The following TMEM117 variants were observed in gnomAD, a reference collection of about 807,000 sequenced individuals.
The protein encoded by TMEM117 is transmembrane protein 117.
Under a neutral mutation model 52.4 loss-of-function variants are expected in TMEM117, and 27 were observed. That is an observed-to-expected ratio of 0.51 (90% confidence interval 0.38 to 0.71). The LOEUF (loss-of-function observed/expected upper bound fraction) is 0.71. Ranked by LOEUF, TMEM117 falls within the 30% of genes least tolerant of loss-of-function variation. The probability of loss-of-function intolerance (pLI) is 0.00; values close to 1 mark genes in which losing one functional copy is unlikely to be tolerated. For missense variants in TMEM117, 556 were observed against 630.5 expected, an observed-to-expected ratio of 0.88 and a Z score of 1.26; for synonymous variants, 215 against 206.3, an observed-to-expected ratio of 1.04 and a Z score of -0.36.
At position 44,299,357 on chromosome 12, in the gene TMEM117, T is replaced by A. The variant is rs1592676006; in HGVS notation, c.609-223T>A. ...CGTGTTGGACAGGCTTGTCTCGAAC[T>A]CCTGACCTCAGGTGATCCACCTGCC... On this transcript the variant is annotated intron_variant, in intron 5 of 7. Coordinates refer to ENST00000266534, the MANE Select transcript of TMEM117 (RefSeq NM_032256.3). Among the ~76,000 whole-genome samples the A allele has an allele frequency of 2.0e-5, 3 of 152,274 alleles. No homozygotes were observed. The East Asian group carries it at 5.8e-4, about 29-fold the overall frequency.
intron 2 of TMEM117, among the ~76,000 whole-genome samples, chr12:43,940,181 CT>C (rs1945021011): frequency 6.6e-6 from 1 of 152,158 alleles, no homozygotes; most frequent in Non-Finnish European, 1.5e-5. Context: ...GACCTAAATG[CT>C]TGTATTCTTT....
At chr12:44,363,585 C>A (rs1356183901) in intron 6 of TMEM117, among the ~76,000 whole-genome samples, 1 of 152,024 alleles carries the variant, frequency 6.6e-6, no homozygotes, top group African/African-American at 2.4e-5. Flanking sequence ...GATAATTATT[C>A]TTTCTCATTG....
intron 6 of TMEM117, among the ~76,000 whole-genome samples, chr12:44,373,372 A>G (rs561776755): frequency 2.6e-5 from 4 of 152,366 alleles, no homozygotes; most frequent in African/African-American, 9.6e-5. Flanking sequence ...AGTCCTGGGC[A>G]AAGGCCCCAG....
chr12:43,910,504 G>A (rs1419942612), intron 2 of TMEM117, among the ~76,000 whole-genome samples: 1 of 144,338 alleles, frequency 6.9e-6, no homozygotes, highest in African/African-American at 2.6e-5. Context: ...GGGCAATTAG[G>A]CAGGAGAAGG....
At chr12:44,222,581 A>G (rs999269178) in intron 5 of TMEM117, among the ~76,000 whole-genome samples, 1 of 152,128 alleles carries the variant, frequency 6.6e-6, no homozygotes, top group Non-Finnish European at 1.5e-5. Context: ...GGTATAGGGG[A>G]ATAAGATCCT....
intron 4 of TMEM117, among the ~76,000 whole-genome samples, chr12:44,210,176 T>A (rs1179093121): frequency 6.6e-6 from 1 of 152,140 alleles, no homozygotes; most frequent in Non-Finnish European, 1.5e-5. Flanking sequence ...GATTTGAACA[T>A]TATTAATTAA....
the TMEM117 span, among the ~76,000 whole-genome samples, chr12:43,807,778 C>G: frequency 1.3e-5 from 2 of 152,134 alleles, no homozygotes; most frequent in East Asian, 3.9e-4. Context: ...TTATTTACTG[C>G]CAGTACAATA....
At position 44,084,363 on chromosome 12, in the gene TMEM117, T is replaced by A. The variant is rs147410376; in HGVS notation, c.411-59162T>A. Among the ~76,000 whole-genome samples, 184 of 152,290 alleles carry A rather than the reference T, an allele frequency of 1.2e-3. 1 individual carries two copies. The highest frequency in any genetic ancestry group is 4.0e-3 in the African/African-American group (165 of 41,568). On this transcript the variant is annotated intron_variant, in intron 3 of 7. Transcript: ENST00000266534. ...AGCCATTACTACCATATCTGTAGAT[T>A]TTTTTAAGCCTTTGTCAGTAGTCTA...
the TMEM117 span, among the ~76,000 whole-genome samples, chr12:43,803,568 A>C: frequency 6.6e-6 from 1 of 152,112 alleles, no homozygotes; most frequent in African/African-American, 2.4e-5. Flanking sequence ...AAGTAGTGCC[A>C]TTTTCCTTCC....
At chr12:43,850,167 A>G (rs564469279) in intron 2 of TMEM117, among the ~76,000 whole-genome samples, 3 of 152,252 alleles carry the variant, frequency 2.0e-5, no homozygotes, top group African/African-American at 7.2e-5. Flanking sequence ...CTGTGAGATG[A>G]TGGATCCTTG....
At chr12:44,060,757 G>A (rs892625181) in intron 3 of TMEM117, among the ~76,000 whole-genome samples, 1 of 152,138 alleles carries the variant, frequency 6.6e-6, no homozygotes, top group African/African-American at 2.4e-5. Context: ...CCACAAAATT[G>A]GTGAGTTTTC....
the TMEM117 span, among the ~76,000 whole-genome samples, chr12:43,811,701 T>C: frequency 1.3e-5 from 2 of 152,242 alleles, no homozygotes; most frequent in Non-Finnish European, 2.9e-5. Context: ...AATTTTAGAT[T>C]GCAATTAGTG....
chr12:43,997,224 A>G (rs1048208003), intron 3 of TMEM117, among the ~76,000 whole-genome samples: 6 of 152,248 alleles, frequency 3.9e-5, no homozygotes, highest in African/African-American at 1.2e-4. Context: ...ATTAAGATTC[A>G]TAGTCTTGAA....
chr12:43,842,447 TA>T, intron 1 of TMEM117, among the ~76,000 whole-genome samples: 1 of 85,400 alleles, frequency 1.2e-5, no homozygotes, highest in African/African-American at 1.8e-4. Flanking sequence ...GGCTGAATTC[TA>T]TTGCCAATGT....
intron 3 of TMEM117, chr12:44,009,150 A>G: frequency 3.3e-6 from 1 of 305,118 alleles, no homozygotes; most frequent in Non-Finnish European, 6.3e-6. Flanking sequence ...TTCCTTGGAA[A>G]AGCTCAGTGC....
At chr12:44,237,826 A>G (rs958046957) in intron 5 of TMEM117, among the ~76,000 whole-genome samples, 10 of 152,224 alleles carry the variant, frequency 6.6e-5, no homozygotes, top group Non-Finnish European at 1.3e-4. Flanking sequence ...TCTGTTGAAT[A>G]AATGAATGAA....
intron 2 of TMEM117, among the ~76,000 whole-genome samples, chr12:43,881,231 G>A (rs1475068337): frequency 6.6e-6 from 1 of 152,028 alleles, no homozygotes; most frequent in Non-Finnish European, 1.5e-5. Flanking sequence ...CTTTATATTT[G>A]TAGGTTATTA....
the TMEM117 span, among the ~76,000 whole-genome samples, chr12:43,799,940 G>T: frequency 1.3e-5 from 2 of 151,800 alleles, no homozygotes; most frequent in Non-Finnish European, 2.9e-5. Flanking sequence ...CATGTCAAAA[G>T]AAAAAAATAC....
chr12:44,352,981 C>T (rs553015058), intron 6 of TMEM117, among the ~76,000 whole-genome samples: 12 of 152,028 alleles, frequency 7.9e-5, no homozygotes, highest in South Asian at 4.2e-4. Context: ...TTTTAATGAT[C>T]GCCATTCTAA....
Sources: gnomAD v4.1 joint callset for allele counts (sites outside exome capture counted in the v4.1 genomes callset) on GRCh38, gnomAD v4.1.1 for gene constraint, MANE v1.5 for transcripts, NCBI Gene and HGNC (gene_info 2026-07-23, HGNC 2026-07-21) for gene names.